OPCML: variants seen among roughly 807,000 people sequenced by gnomAD.
The protein encoded by OPCML is opioid-binding protein/cell adhesion molecule.
Under a neutral mutation model 37.8 loss-of-function variants are expected in OPCML, and 13 were observed. That is an observed-to-expected ratio of 0.34 (90% CI 0.22 to 0.55). The LOEUF (loss-of-function observed/expected upper bound fraction) is 0.55, where lower values mean the gene tolerates loss of function less well. Ranked by LOEUF, OPCML falls within the 20% of genes least tolerant of loss-of-function variation. The pLI is 0.91. For synonymous variants in OPCML, 176 were observed against 168.8 expected, an observed-to-expected ratio of 1.04 and a Z score of -0.33; for missense variants, 341 against 435.6, an observed-to-expected ratio of 0.78 and a Z score of 1.93.
chr11:133,103,806 T>A (rs1286416590), intron 1 of OPCML, among the ~76,000 whole-genome samples: 2 of 152,198 alleles, frequency 1.3e-5, no homozygotes, highest in Non-Finnish European at 2.9e-5. Flanking sequence ...TGTCCAAATG[T>A]TCAATCGAGG....
At chr11:133,055,291 C>T (rs1442642808) in intron 1 of OPCML, among the ~76,000 whole-genome samples, 2 of 147,900 alleles carry the variant, frequency 1.4e-5, no homozygotes, top group South Asian at 2.2e-4. Flanking sequence ...CCACCTCTAT[C>T]ATACAATGCA....
intron 1 of OPCML, among the ~76,000 whole-genome samples, chr11:133,353,663 A>G (rs940584631): frequency 6.6e-6 from 1 of 152,312 alleles, no homozygotes; most frequent in East Asian, 1.9e-4. Flanking sequence ...ACCACTGTCT[A>G]ACTGGTAAGA....
intron 1 of OPCML, among the ~76,000 whole-genome samples, chr11:133,304,349 A>G (rs1422797145): frequency 6.6e-6 from 1 of 152,234 alleles, no homozygotes; most frequent in African/African-American, 2.4e-5. Context: ...TTCTTAAAAT[A>G]CAAAAGACCT....
At chr11:132,808,019 C>T (rs1474591440) in intron 2 of OPCML, among the ~76,000 whole-genome samples, 3 of 152,154 alleles carry the variant, frequency 2.0e-5, no homozygotes, top group Non-Finnish European at 4.4e-5. Context: ...TATTTTTAAC[C>T]GTTCTTTCTG....
At chr11:132,450,581 G>T (rs2096065976) in intron 4 of OPCML, among the ~76,000 whole-genome samples, 1 of 151,962 alleles carries the variant, frequency 6.6e-6, no homozygotes, top group African/African-American at 2.4e-5. Context: ...GACTCTAGAG[G>T]GTTTTTTTTT....
intron 1 of OPCML, among the ~76,000 whole-genome samples, chr11:133,379,644 T>C (rs1159868651): frequency 6.6e-6 from 1 of 152,248 alleles, no homozygotes; most frequent in Non-Finnish European, 1.5e-5. Flanking sequence ...AAAGGCTCTG[T>C]GCCGTTTCTC....
chr11:132,893,386 C>T (rs540180083), intron 2 of OPCML, among the ~76,000 whole-genome samples: 55 of 152,358 alleles, frequency 3.6e-4, no homozygotes, highest in African/African-American at 1.2e-3. Context: ...TGCCCCACCC[C>T]GGTGCAGCCC....
chr11:133,325,999 TC>T (rs762480499), intron 1 of OPCML, among the ~76,000 whole-genome samples: 4 of 152,180 alleles, frequency 2.6e-5, no homozygotes, highest in Non-Finnish European at 4.4e-5. Context: ...CACTCCCACT[TC>T]CTGCAATCTC....
At chr11:132,624,490 G>A (rs531447828) in intron 3 of OPCML, among the ~76,000 whole-genome samples, 8 of 151,980 alleles carry the variant, frequency 5.3e-5, no homozygotes, top group East Asian at 1.9e-4. Context: ...TGCCTCTACC[G>A]ACTCCTTCCA....
chr11:132,664,933 C>T (rs1942155860), intron 2 of OPCML, among the ~76,000 whole-genome samples: 3 of 152,150 alleles, frequency 2.0e-5, no homozygotes. Flanking sequence ...AAGGAGAGTA[C>T]AGCACAAAAA....
At chr11:132,566,710 G>A (rs1206197048) in intron 3 of OPCML, among the ~76,000 whole-genome samples, 2 of 152,138 alleles carry the variant, frequency 1.3e-5, no homozygotes, top group South Asian at 2.1e-4. Context: ...TTATCACTGC[G>A]AGGTGTCTTC....
At chr11:133,511,808 GT>G in intron 1 of OPCML, among the ~76,000 whole-genome samples, 1 of 151,620 alleles carries the variant, frequency 6.6e-6, no homozygotes, top group Non-Finnish European at 1.5e-5. Flanking sequence ...CCACTAGTAT[GT>G]AAGCTTCCTA....
intron 1 of OPCML, among the ~76,000 whole-genome samples, chr11:133,180,037 T>C (rs1046566578): frequency 6.6e-6 from 1 of 152,158 alleles, no homozygotes; most frequent in Non-Finnish European, 1.5e-5. Context: ...ATATGGTCCC[T>C]GACCCTGCTT....
intron 1 of OPCML, among the ~76,000 whole-genome samples, chr11:133,172,531 G>A (rs979368187): frequency 1.3e-5 from 2 of 152,176 alleles, no homozygotes; most frequent in African/African-American, 4.8e-5. Flanking sequence ...TAGTGAAAGT[G>A]AAAGAGCTCA....
intron 4 of OPCML, among the ~76,000 whole-genome samples, chr11:132,494,590 C>T (rs901807627): frequency 2.0e-5 from 3 of 152,038 alleles, no homozygotes; most frequent in African/African-American, 7.2e-5. Context: ...AAAATCTCAA[C>T]AATTATAGTG....
intron 1 of OPCML, among the ~76,000 whole-genome samples, chr11:133,350,904 T>C (rs781485338): frequency 2.6e-5 from 4 of 152,034 alleles, no homozygotes; most frequent in Non-Finnish European, 5.9e-5. Context: ...CACACAGAGG[T>C]ATAAGGCATA....
intron 2 of OPCML, among the ~76,000 whole-genome samples, chr11:132,933,118 A>C (rs1945264105): frequency 6.6e-6 from 1 of 152,204 alleles, no homozygotes; most frequent in Non-Finnish European, 1.5e-5. Context: ...AGCGGGAGGC[A>C]TGTTGCTGAT....
intron 2 of OPCML, among the ~76,000 whole-genome samples, chr11:132,906,692 T>G (rs1310297802): frequency 6.6e-6 from 1 of 152,180 alleles, no homozygotes; most frequent in Non-Finnish European, 1.5e-5. Flanking sequence ...ACTGCCCTTG[T>G]TACGGGGCTG....
intron 1 of OPCML, among the ~76,000 whole-genome samples, chr11:133,039,809 C>A (rs1384532062): frequency 6.6e-6 from 1 of 152,094 alleles, no homozygotes; most frequent in Non-Finnish European, 1.5e-5. Context: ...GCGGGCACAT[C>A]ACGAGGTCAG....
Sources: gnomAD v4.1 joint callset for allele counts (sites outside exome capture counted in the v4.1 genomes callset) on GRCh38, gnomAD v4.1.1 for gene constraint, MANE v1.5 for transcripts, NCBI Gene and HGNC (gene_info 2026-07-23, HGNC 2026-07-21) for gene names.